The following EVL variants were observed in gnomAD, a reference collection of about 807,000 sequenced individuals.
EVL encodes ena/VASP-like protein.
Under a neutral mutation model 59.6 loss-of-function variants are expected in EVL, and 21 were observed. That is an observed-to-expected ratio of 0.35 (90% CI 0.25 to 0.51). The LOEUF is 0.51. EVL is among the 20% of genes least tolerant of loss of function. EVL has a pLI of 0.97. For missense variants in EVL, 462 were observed against 546.6 expected, an observed-to-expected ratio of 0.85 and a Z score of 1.54; for synonymous variants, 198 against 203.5, an observed-to-expected ratio of 0.97 and a Z score of 0.23.
chr14:100,056,966 G>C (rs781662801), intron 1 of EVL, among the ~76,000 whole-genome samples: 3 of 152,164 alleles, frequency 2.0e-5, no homozygotes, highest in Non-Finnish European at 4.4e-5. Context: ...CCACTAAATA[G>C]ATAAAATTTC....
At chr14:99,974,027 G>C (rs1280948885) in intron 1 of EVL, among the ~76,000 whole-genome samples, 1 of 152,002 alleles carries the variant, frequency 6.6e-6, no homozygotes, top group Non-Finnish European at 1.5e-5. Context: ...TTTAGTGCAG[G>C]TCTGGCAACA....
At chr14:100,064,292 C>T (rs1212695), upstream of EVL, among the ~76,000 whole-genome samples, 116,608 of 152,126 alleles carry the variant, frequency 0.77, 45,739 homozygotes, top group Non-Finnish European at 0.84. Flanking sequence ...CCATAAAAGT[C>T]CTTTAAGGAC....
Position 100,109,378 on chromosome 14 carries a change from C to T in EVL, c.358+11720C>T. The T allele has an allele frequency of 2.8e-6, 1 of 359,544 alleles. No homozygotes were observed. The highest frequency in any genetic ancestry group is 2.1e-5 in the South Asian group (1 of 48,194). The allele number at this position is 359,544 out of a possible 1,614,324, so 22.3% of individuals were successfully genotyped here. A position where few individuals can be genotyped will look rare whatever the true frequency, so the allele number is the denominator to read the frequency against. ...GTGCCCCAGAAGACCTCAGGCACCC[C>T]TTCCCAGTCCTCGCACACTGTTGGT... On this transcript the variant is annotated intron_variant, in intron 3 of 13. Coordinates refer to ENST00000392920, the MANE Select transcript of EVL (RefSeq NM_016337.3). The surrounding 1 kb of genome is among the most constrained non-coding windows in gnomAD (Gnocchi z 4.3).
At chr14:99,978,354 A>T (rs2140168457) in intron 1 of EVL, among the ~76,000 whole-genome samples, 1 of 151,748 alleles carries the variant, frequency 6.6e-6, no homozygotes, top group South Asian at 2.1e-4. Context: ...GTGAGCCGAG[A>T]TCGCGCCACT....
upstream of EVL, among the ~76,000 whole-genome samples, chr14:100,064,649 G>A (rs549420621): frequency 1.3e-5 from 2 of 152,214 alleles, no homozygotes; most frequent in African/African-American, 2.4e-5. Context: ...GGTGGCTCAC[G>A]CCTGTAATCT....
At chr14:100,012,520 A>G (rs1247386761) in intron 1 of EVL, among the ~76,000 whole-genome samples, 1 of 152,232 alleles carries the variant, frequency 6.6e-6, no homozygotes, top group Non-Finnish European at 1.5e-5. Context: ...TCAAAAGGGT[A>G]ATCTGCCCTA....
intron 1 of EVL, among the ~76,000 whole-genome samples, chr14:100,070,073 A>G (rs1012097245): frequency 1.3e-5 from 2 of 151,602 alleles, no homozygotes; most frequent in Non-Finnish European, 2.9e-5. Context: ...AAAAAAAAAA[A>G]AAAAAAGAAA....
At position 100,008,544 on chromosome 14, in the gene EVL, G is replaced by T. The variant is rs2060997704; in HGVS notation, c.5+36487G>T. On this transcript the variant is annotated intron_variant, in intron 1 of 13. Coordinates refer to the EVL transcript ENST00000402714. ...TCAGTGCCTGTTCTAGTGTCTGAAG[G>T]CAACTACTCCTTTACCCTTCTTTTT... 2.6e-5 allele frequency among the ~76,000 whole-genome samples: 4 copies of T among 152,118 alleles called. No homozygotes were observed. The South Asian group carries it at 8.3e-4, about 31-fold the overall frequency.
At chr14:100,134,518 C>T (rs1888644811) in intron 8 of EVL, 1 of 152,200 alleles carries the variant, frequency 6.6e-6, no homozygotes, top group South Asian at 2.1e-4. Context: ...TTCTCATACC[C>T]AGGACTAGCG....
chr14:99,989,405 C>T (rs748304590), intron 1 of EVL, among the ~76,000 whole-genome samples: 10 of 152,128 alleles, frequency 6.6e-5, no homozygotes, highest in Non-Finnish European at 1.2e-4. Context: ...AAAATGTCTC[C>T]TCTGTGCTTT....
chr14:100,084,322 G>A (rs1402647240), intron 1 of EVL, among the ~76,000 whole-genome samples: 3 of 152,148 alleles, frequency 2.0e-5, no homozygotes, highest in African/African-American at 7.2e-5. Context: ...TGAGATTACA[G>A]GCATGAGCTA....
At chr14:100,005,667 A>ACACACACC (rs1555411881) in intron 1 of EVL, among the ~76,000 whole-genome samples, 1 of 147,022 alleles carries the variant, frequency 6.8e-6, no homozygotes, top group African/African-American at 2.6e-5. Context: ...ACACACACAC[A>ACACACACC]CACCCCTTGG....
chr14:100,034,839 G>A (rs1224738214), intron 1 of EVL, among the ~76,000 whole-genome samples: 2 of 152,162 alleles, frequency 1.3e-5, no homozygotes, highest in Non-Finnish European at 2.9e-5. Context: ...GTGTTATTCT[G>A]GGCAAATTAT....
chr14:100,136,879 T>G (rs76775592), intron 9 of EVL, among the ~76,000 whole-genome samples: 7,755 of 152,212 alleles, frequency 0.051, 273 homozygotes, highest in Non-Finnish European at 0.075. Flanking sequence ...GCCACACACC[T>G]GGGACATGTC....
chr14:100,025,840 G>A (rs1216168182), intron 1 of EVL, among the ~76,000 whole-genome samples: 1 of 152,186 alleles, frequency 6.6e-6, no homozygotes, highest in Non-Finnish European at 1.5e-5. Context: ...GGAGGCTGAG[G>A]CAGGAGAATC....
At chr14:100,056,715 G>C (rs2061739574) in intron 1 of EVL, among the ~76,000 whole-genome samples, 2 of 152,174 alleles carry the variant, frequency 1.3e-5, no homozygotes, top group South Asian at 4.1e-4. Flanking sequence ...CCTCAGGGCA[G>C]GGTGGCCTGA....
intron 1 of EVL, among the ~76,000 whole-genome samples, chr14:100,072,490 C>T (rs1167335759): frequency 6.6e-6 from 1 of 152,240 alleles, no homozygotes; most frequent in Non-Finnish European, 1.5e-5. Flanking sequence ...CTGCTTTGGC[C>T]TCCCAAAGTG....
At position 100,074,568 on chromosome 14, in the gene EVL, C is replaced by G. The variant is rs2062120085; in HGVS notation, c.11+9057C>G. ...CAATAGAGCCAGACCTGGGGCAGAG[C>G]TGGAGCTGTTGTCCACAGTGTTCTC... On this transcript the variant is annotated intron_variant, in intron 1 of 13. Transcript: ENST00000392920. The G allele has an allele frequency of 2.0e-5, 3 of 152,714 alleles. No homozygotes were observed. In the South Asian group the frequency reaches 6.2e-4, roughly 32 times the overall value. 9.5% of individuals were successfully genotyped at this position (152,714 alleles called of 1,614,324 possible). A position where few individuals can be genotyped will look rare whatever the true frequency, so the allele number is the denominator to read the frequency against.
In EVL at chr14:100,129,552, T is replaced by TAA; in HGVS notation, c.718-11_718-10insAA. On this transcript the variant is annotated splice_polypyrimidine_tract_variant and intron_variant, in intron 6 of 13. Coordinates refer to ENST00000392920, the MANE Select transcript of EVL (RefSeq NM_016337.3). The stretch of plus-strand genomic sequence containing the variant: ...CAGCAGAATCTAAAACGCGGCCTCC[T>TAA]TTTTCCTCAGCCAGAAGACGCATCT... The TAA allele has an allele frequency of 6.2e-7, 1 of 1,611,506 alleles. No homozygotes were observed.
Sources: allele counts gnomAD v4.1 joint callset (sites outside exome capture counted in the v4.1 genomes callset), GRCh38; gene constraint gnomAD v4.1.1; non-coding constraint Gnocchi (gnomAD v3.1); transcripts MANE v1.5; gene names NCBI Gene and HGNC (gene_info 2026-07-23, HGNC 2026-07-21).